Variants in HMBOX1 observed in about 807,000 individuals in gnomAD.
HMBOX1 encodes homeobox containing 1, also known as homeobox-containing protein 1.
A neutral mutation model predicts 54.5 loss-of-function variants in HMBOX1; 14 were observed. The observed-to-expected ratio is 0.26, with a 90% CI of 0.17 to 0.40. The LOEUF is 0.40. Among genes scored for constraint, HMBOX1 ranks in the 10% least tolerant of loss-of-function variants. The pLI is 1.00. For synonymous variants in HMBOX1, 160 were observed against 181.0 expected (o/e 0.88, Z 0.93); for missense variants, 332 against 514.4 (o/e 0.65, Z 3.43).
intron 1 of HMBOX1, among the ~76,000 whole-genome samples, chr8:28,960,752 TC>T (rs2071494933): frequency 1.2e-4 from 3 of 24,768 alleles, no homozygotes; most frequent in East Asian, 2.2e-3. Flanking sequence ...ATTCTCTTTT[TC>T]TTTTTCTTTT....
rs1368483856 is a variant in HMBOX1 at position 28,999,572 on chromosome 8, A to AT, written c.587-9498dup. On this transcript the variant is annotated intron_variant, in intron 4 of 9. Coordinates refer to ENST00000287701, the MANE Select transcript of HMBOX1 (RefSeq NM_001135726.3). ...TTTGAGCCTTTGTTCCATTTTCTTCATTCTTTTTTTCTTTTTGTTCCTTAT... is the reference window on the plus strand; with the variant it reads ...TTTGAGCCTTTGTTCCATTTTCTTCATTTCTTTTTTTCTTTTTGTTCCTTAT... 2.0e-5 allele frequency among the ~76,000 whole-genome samples: 3 copies of AT among 151,896 alleles called. No individual in the cohort carries two copies. The East Asian group carries it at 5.8e-4, about 29-fold the overall frequency.
chr8:28,996,540 A>C (rs571905409), intron 4 of HMBOX1, among the ~76,000 whole-genome samples: 5 of 152,220 alleles, frequency 3.3e-5, no homozygotes, highest in African/African-American at 9.6e-5. Context: ...AATCATTTGA[A>C]CCCAGCAGGT....
intron 1 of HMBOX1, among the ~76,000 whole-genome samples, chr8:28,956,518 GT>G (rs572977556): frequency 2.7e-5 from 4 of 149,534 alleles, no homozygotes; most frequent in East Asian, 1.9e-4. Context: ...AAATGCAATT[GT>G]TTTTTTTGCT....
Position 28,967,193 on chromosome 8 carries a change from G to A in HMBOX1, c.24-2850G>A, listed in dbSNP as rs142170569. 3.2e-3 allele frequency among the ~76,000 whole-genome samples: 492 copies of A among 152,258 alleles called. 7 individuals carry two copies. The highest frequency in any genetic ancestry group is 0.011 in the African/African-American group (461 of 41,542). ...GGAGAGCAAGGTTTGGCTTTCTTCT[G>A]TGCTCACCCCACTGGCCAGAAGGTG... On this transcript the variant is annotated intron_variant, in intron 2 of 9. Coordinates refer to ENST00000287701, the MANE Select transcript of HMBOX1 (RefSeq NM_001135726.3).
Position 28,920,717 on chromosome 8 carries a change from TGTA to T in HMBOX1, c.-58+30041_-58+30043del, listed in dbSNP as rs552792997. Reference sequence around the variant, plus strand: ...CATAATAGAAACATGCTCAAGGTGGTGTAGAAGGAAAGTGCTTAATCTGCCTTG... The same window carrying T: ...CATAATAGAAACATGCTCAAGGTGGTGAAGGAAAGTGCTTAATCTGCCTTG... On this transcript the variant is annotated intron_variant, in intron 1 of 9. Transcript: ENST00000287701. Among the ~76,000 whole-genome samples the T allele has an allele frequency of 3.0e-3, 461 of 152,198 alleles. 1 individual carries two copies. The highest frequency in any genetic ancestry group is 0.011 in the African/African-American group (438 of 41,544).
chr8:29,035,275 A>G (rs973094403), intron 6 of HMBOX1, among the ~76,000 whole-genome samples: 1 of 152,174 alleles, frequency 6.6e-6, no homozygotes, highest in Non-Finnish European at 1.5e-5. Context: ...ATCCTTATCA[A>G]TCCTGTTCTG....
chr8:29,044,197 T>C (rs1805247305), intron 6 of HMBOX1, among the ~76,000 whole-genome samples: 1 of 152,062 alleles, frequency 6.6e-6, no homozygotes, highest in African/African-American at 2.4e-5. Flanking sequence ...CTATTCACAA[T>C]AGGATGGCAT....
intron 6 of HMBOX1, among the ~76,000 whole-genome samples, chr8:29,035,899 A>C (rs1241283941): frequency 6.6e-6 from 1 of 152,212 alleles, no homozygotes; most frequent in Non-Finnish European, 1.5e-5. Flanking sequence ...AATTATCTCC[A>C]TTCTTTTCAT....
At chr8:28,956,564 A>G (rs1824494915) in intron 1 of HMBOX1, among the ~76,000 whole-genome samples, 1 of 152,180 alleles carries the variant, frequency 6.6e-6, no homozygotes, top group African/African-American at 2.4e-5. Context: ...TAATTTTAAA[A>G]AATATGTATT....
At chr8:28,952,171 A>AG (rs1369848238) in intron 1 of HMBOX1, among the ~76,000 whole-genome samples, 1 of 151,294 alleles carries the variant, frequency 6.6e-6, no homozygotes, top group Non-Finnish European at 1.5e-5. Context: ...AAAAAAAAAA[A>AG]AAAAGAAAAA....
chr8:28,948,060 T>C (rs1255437922), intron 1 of HMBOX1, among the ~76,000 whole-genome samples: 1 of 152,192 alleles, frequency 6.6e-6, no homozygotes, highest in African/African-American at 2.4e-5. Context: ...AGTGCTGGGA[T>C]TGCAGGCTTG....
intron 9 of HMBOX1, chr8:29,050,153 A>G: frequency 1.4e-6 from 1 of 700,184 alleles, no homozygotes; most frequent in Non-Finnish European, 1.8e-6. Flanking sequence ...TTTTTTACAG[A>G]TGCCCTAAGG....
intron 4 of HMBOX1, among the ~76,000 whole-genome samples, chr8:29,006,947 A>G (rs762281385): frequency 6.6e-6 from 1 of 152,200 alleles, no homozygotes; most frequent in Non-Finnish European, 1.5e-5. Context: ...TTTTGTTGAC[A>G]TGAAAATCAA....
At position 29,051,517 on chromosome 8, in the gene HMBOX1, G is replaced by A. The variant is rs1377070541; in HGVS notation, c.*362G>A. On this transcript the variant is annotated 3_prime_UTR_variant, in exon 10 of 10. Transcript: ENST00000287701. Reference sequence around the variant, plus strand: ...AAATCTTGGGTACCTTTAGATTCTTGTAACACTAGTCTGTACTCCCTTTTC... The same window carrying A: ...AAATCTTGGGTACCTTTAGATTCTTATAACACTAGTCTGTACTCCCTTTTC... The A allele has an allele frequency of 1.4e-6, 1 of 702,776 alleles. No individual in the cohort carries two copies. The highest frequency in any genetic ancestry group is 2.6e-6 in the Non-Finnish European group (1 of 384,918). The allele number at this position is 702,776 out of a possible 1,614,324, so 43.5% of individuals were successfully genotyped here. A position where few individuals can be genotyped will look rare whatever the true frequency, so the allele number is the denominator to read the frequency against.
At chr8:28,973,116 C>T (rs999137608) in intron 3 of HMBOX1, among the ~76,000 whole-genome samples, 1 of 152,082 alleles carries the variant, frequency 6.6e-6, no homozygotes, top group Non-Finnish European at 1.5e-5. Context: ...TCCATTGTGT[C>T]CCCCTCTCAC....
chr8:28,975,213 A>T lies in HMBOX1; in HGVS notation c.500+4694A>T, dbSNP rs548605859. 9.6e-4 allele frequency among the ~76,000 whole-genome samples: 147 copies of T among 152,346 alleles called. No homozygotes were observed. In the South Asian group the frequency reaches 0.011, roughly 11 times the overall value. On this transcript the variant is annotated intron_variant, in intron 3 of 9. Coordinates refer to ENST00000287701, the MANE Select transcript of HMBOX1 (RefSeq NM_001135726.3). Reference sequence around the variant, plus strand: ...TAAGGCACCATCTTTGTGCTGAAGGACTAAGGACTTTACAGGGTAGTAGGA... The same window carrying T: ...TAAGGCACCATCTTTGTGCTGAAGGTCTAAGGACTTTACAGGGTAGTAGGA...
intron 1 of HMBOX1, among the ~76,000 whole-genome samples, chr8:28,958,092 CA>C (rs1374253259): frequency 3.9e-5 from 6 of 152,074 alleles, no homozygotes; most frequent in Admixed American, 3.9e-4. Flanking sequence ...AGTATTGTAT[CA>C]TATCTCAATT....
At chr8:28,909,577 T>C (rs749987942) in intron 1 of HMBOX1, among the ~76,000 whole-genome samples, 4 of 152,138 alleles carry the variant, frequency 2.6e-5, no homozygotes, top group Non-Finnish European at 5.9e-5. Flanking sequence ...TGCTATGTAG[T>C]ATTAGGAGTC....
intron 9 of HMBOX1, chr8:29,050,719 A>G (rs1345220289): frequency 3.0e-6 from 1 of 329,120 alleles, no homozygotes. Flanking sequence ...TTTTATATCA[A>G]TCACTGCAGG....
Sources: allele counts gnomAD v4.1 joint callset (sites outside exome capture counted in the v4.1 genomes callset), GRCh38; gene constraint gnomAD v4.1.1; transcripts MANE v1.5; gene names NCBI Gene and HGNC (gene_info 2026-07-23, HGNC 2026-07-21).